The following NPAS3 variants were observed in gnomAD, a reference collection of about 807,000 sequenced individuals.
NPAS3 encodes neuronal PAS domain-containing protein 3.
A neutral mutation model predicts 73.1 loss-of-function variants in NPAS3; 14 were observed. The ratio of observed to expected loss-of-function variants is 0.19; its 90% CI spans 0.13 to 0.30. NPAS3 has a LOEUF of 0.30. Among genes scored for constraint, NPAS3 ranks in the 10% least tolerant of loss-of-function variants. NPAS3 has a pLI of 1.00. For missense variants in NPAS3, 1,096 were observed against 1,250.0 expected (o/e 0.88, Z 1.86); for synonymous variants, 620 against 541.5 (o/e 1.14, Z -2.01).
intron 4 of NPAS3, among the ~76,000 whole-genome samples, chr14:33,535,558 G>A (rs942705734): frequency 6.6e-6 from 1 of 152,164 alleles, no homozygotes; most frequent in East Asian, 1.9e-4. Context: ...TAGTACCTGG[G>A]TTAGTTCCCA....
chr14:33,224,397 A>C (rs2047545090), intron 3 of NPAS3, among the ~76,000 whole-genome samples: 1 of 152,164 alleles, frequency 6.6e-6, no homozygotes, highest in Admixed American at 6.5e-5. Context: ...GCTCTGCCTT[A>C]ATAAACAGGT....
At chr14:33,632,112 G>T (rs1312501546) in intron 5 of NPAS3, among the ~76,000 whole-genome samples, 1 of 152,166 alleles carries the variant, frequency 6.6e-6, no homozygotes, top group Non-Finnish European at 1.5e-5. Flanking sequence ...GATATTATCT[G>T]TGTAACTGAT....
intron 2 of NPAS3, among the ~76,000 whole-genome samples, chr14:33,096,737 G>A (rs994053409): frequency 4.6e-5 from 7 of 152,226 alleles, no homozygotes; most frequent in African/African-American, 1.2e-4. Flanking sequence ...AATTCTTTCC[G>A]TTCCTGCAAG....
At chr14:33,386,011 A>T (rs1292491309) in intron 4 of NPAS3, among the ~76,000 whole-genome samples, 1 of 152,164 alleles carries the variant, frequency 6.6e-6, no homozygotes, top group Non-Finnish European at 1.5e-5. Flanking sequence ...AGTTGTAGTG[A>T]TGAGGAATGT....
At chr14:32,938,633 C>T (rs929423193), upstream of NPAS3, among the ~76,000 whole-genome samples, 126 of 151,808 alleles carry the variant, frequency 8.3e-4, no homozygotes, top group African/African-American at 2.6e-3. Flanking sequence ...CCCGCGTGTC[C>T]TCCCCCTTCC....
chr14:33,407,602 C>G (rs761312161), intron 4 of NPAS3, among the ~76,000 whole-genome samples: 1 of 152,148 alleles, frequency 6.6e-6, no homozygotes, highest in Non-Finnish European at 1.5e-5. Context: ...GATTCCTAGT[C>G]TATCATTCTC....
chr14:33,518,094 T>G lies in NPAS3; in HGVS notation c.469-42027T>G, dbSNP rs142331336. Among the ~76,000 whole-genome samples the G allele has an allele frequency of 4.4e-3, 665 of 152,222 alleles. 4 individuals are homozygous for G. The highest frequency in any genetic ancestry group is 0.014 in the African/African-American group (580 of 41,554). On this transcript the variant is annotated intron_variant, in intron 4 of 11. Coordinates refer to ENST00000356141, the Ensembl canonical transcript of NPAS3. ...CTAACTTGAAGAGTAATAAATGAAA[T>G]GGCTGAAGAATGCTTTCATGCTATG...
At chr14:33,437,212 T>C (rs1306023183) in intron 4 of NPAS3, among the ~76,000 whole-genome samples, 1 of 152,202 alleles carries the variant, frequency 6.6e-6, no homozygotes, top group East Asian at 1.9e-4. Flanking sequence ...GTTTCTGTTT[T>C]GTGTTATGTC....
At position 33,778,674 on chromosome 14, in the gene NPAS3, C is replaced by A. The variant is rs1317316129; in HGVS notation, c.1153+102C>A. The A allele has an allele frequency of 1.9e-5, 14 of 749,478 alleles. No homozygotes were observed. The South Asian group carries it at 2.1e-4, about 11-fold the overall frequency. 46.4% of individuals were successfully genotyped at this position (749,478 alleles called of 1,614,324 possible). ...TTTTTCCCTTCATCTTTCCTGTGTA[C>A]ATTTCAGATGACTGTCAGTGTGCAG... is the stretch of plus-strand genomic sequence containing the variant. On this transcript the variant is annotated intron_variant, in intron 9 of 11. Coordinates refer to ENST00000356141, the Ensembl canonical transcript of NPAS3.
chr14:32,995,633 C>A (rs531932160), intron 1 of NPAS3, among the ~76,000 whole-genome samples: 13 of 152,274 alleles, frequency 8.5e-5, no homozygotes, highest in African/African-American at 2.6e-4. Context: ...GCAAATGAGT[C>A]TCACAGGATC....
At chr14:33,136,036 A>C (rs35622082) in intron 2 of NPAS3, among the ~76,000 whole-genome samples, 12 of 150,844 alleles carry the variant, frequency 8.0e-5, no homozygotes, top group South Asian at 4.2e-4. Context: ...GTGGCCATTC[A>C]TGTGCAATAA....
chr14:32,983,838 C>T (rs2037994402), intron 1 of NPAS3, among the ~76,000 whole-genome samples: 1 of 152,142 alleles, frequency 6.6e-6, no homozygotes, highest in African/African-American at 2.4e-5. Context: ...TCTCCTGCCT[C>T]AACCTCCTGA....
At chr14:33,627,376 T>G (rs1465884909) in intron 5 of NPAS3, among the ~76,000 whole-genome samples, 1 of 152,140 alleles carries the variant, frequency 6.6e-6, no homozygotes, top group Non-Finnish European at 1.5e-5. Context: ...TTGGCAATTT[T>G]GGGTCCTAGC....
rs575166906 is a variant in NPAS3 at position 33,017,796 on chromosome 14, GA to G, written c.51-38102del. On this transcript the variant is annotated intron_variant, in intron 1 of 11. Transcript: ENST00000356141. Reference sequence around the variant, plus strand: ...TTACTGCACTAAGTGTTTTATATGTGAAAAAAACTAAGCCTTAGAGAGATTA... The same window carrying G: ...TTACTGCACTAAGTGTTTTATATGTGAAAAAACTAAGCCTTAGAGAGATTA... Among the ~76,000 whole-genome samples the G allele has an allele frequency of 3.1e-3, 478 of 152,126 alleles. 1 individual carries two copies. Among genetic ancestry groups the G allele is most frequent in the Non-Finnish European group, 5.3e-3 (358 of 67,992 alleles).
At chr14:33,470,418 C>T (rs1419732919) in intron 4 of NPAS3, among the ~76,000 whole-genome samples, 2 of 152,132 alleles carry the variant, frequency 1.3e-5, no homozygotes, top group African/African-American at 4.8e-5. Flanking sequence ...CTTGCATGAA[C>T]AAATCCCTTT....
intron 3 of NPAS3, among the ~76,000 whole-genome samples, chr14:33,237,966 G>A (rs190699290): frequency 2.0e-5 from 3 of 151,346 alleles, no homozygotes; most frequent in Admixed American, 6.6e-5. Flanking sequence ...ATACATTTCC[G>A]CTTTTGCATA....
At chr14:33,490,806 A>G (rs530984931) in intron 4 of NPAS3, among the ~76,000 whole-genome samples, 3 of 152,284 alleles carry the variant, frequency 2.0e-5, no homozygotes, top group African/African-American at 4.8e-5. Flanking sequence ...GAATGAATTC[A>G]TGTCCAGGAG....
intron 2 of NPAS3, among the ~76,000 whole-genome samples, chr14:33,150,374 TCAAG>T (rs2044403039): frequency 6.6e-6 from 1 of 152,218 alleles, no homozygotes; most frequent in Admixed American, 6.5e-5. Flanking sequence ...ACCTAAAGAC[TCAAG>T]CAAACCATTG....
chr14:33,653,081 A>G (rs1269667515), intron 5 of NPAS3, among the ~76,000 whole-genome samples: 2 of 152,158 alleles, frequency 1.3e-5, no homozygotes, highest in Non-Finnish European at 2.9e-5. Context: ...TTGACCTTCC[A>G]TTTTGCCTTT....
Sources: gnomAD v4.1 joint callset for allele counts (sites outside exome capture counted in the v4.1 genomes callset) on GRCh38, gnomAD v4.1.1 for gene constraint, MANE v1.5 for transcripts, NCBI Gene and HGNC (gene_info 2026-07-23, HGNC 2026-07-21) for gene names.